Variants in RSRC1 observed in about 807,000 individuals in gnomAD.
The protein encoded by RSRC1 is serine/Arginine-related protein 53.
RSRC1 carries 39 observed loss-of-function variants against 49.1 expected under a neutral mutation model. The ratio of observed to expected loss-of-function variants is 0.79; its 90% CI spans 0.61 to 1.04. RSRC1 has a LOEUF of 1.04. Ranked by LOEUF, RSRC1 falls within the 50% of genes least tolerant of loss-of-function variation. The pLI is 0.00. For synonymous variants in RSRC1, 143 were observed against 130.8 expected (o/e 1.09, Z -0.63); for missense variants, 388 against 402.4 (o/e 0.96, Z 0.31).
intron 5 of RSRC1, among the ~76,000 whole-genome samples, chr3:158,324,775 A>T (rs1728980751): frequency 6.6e-6 from 1 of 152,206 alleles, no homozygotes; most frequent in Admixed American, 6.5e-5. Context: ...GTCAAATGGT[A>T]TTTCTAGTTC....
intron 7 of RSRC1, among the ~76,000 whole-genome samples, chr3:158,477,798 TTA>T (rs67839411): frequency 0.51 from 45,600 of 89,006 alleles, 10,602 homozygotes; most frequent in East Asian, 0.7. Flanking sequence ...CGGGAGGGAT[TTA>T]TATATATATA....
intron 4 of RSRC1, among the ~76,000 whole-genome samples, chr3:158,285,746 T>G (rs1726501217): frequency 6.6e-6 from 1 of 152,150 alleles, no homozygotes; most frequent in African/African-American, 2.4e-5. Flanking sequence ...TGATTTTGTA[T>G]CCTGAGACTT....
intron 3 of RSRC1, among the ~76,000 whole-genome samples, chr3:158,149,869 A>G (rs1246951415): frequency 2.6e-5 from 4 of 152,122 alleles, no homozygotes; most frequent in Admixed American, 1.3e-4. Context: ...AAAGCACTCA[A>G]CTGAGTGACA....
intron 6 of RSRC1, among the ~76,000 whole-genome samples, chr3:158,398,302 C>T (rs912541185): frequency 4.6e-5 from 7 of 152,054 alleles, no homozygotes. Context: ...ACGATATAGG[C>T]ACCAGTAGGT....
intron 1 of RSRC1, among the ~76,000 whole-genome samples, chr3:158,118,456 T>TGC (rs1332462881): frequency 2.3e-5 from 3 of 132,300 alleles, no homozygotes; most frequent in Non-Finnish European, 3.2e-5. Flanking sequence ...TGTGTGTGTG[T>TGC]GTGTGTGCGC....
chr3:158,477,798 T>TTTTTTATATATATATA (rs1485762587), intron 7 of RSRC1, among the ~76,000 whole-genome samples: 3 of 89,772 alleles, frequency 3.3e-5, no homozygotes, highest in Admixed American at 1.1e-4. Context: ...CGGGAGGGAT[T>TTTTTTATATATATATA]TATATATATA....
intron 7 of RSRC1, among the ~76,000 whole-genome samples, chr3:158,495,529 A>T (rs1004715921): frequency 2.0e-5 from 3 of 151,904 alleles, no homozygotes; most frequent in African/African-American, 7.3e-5. Context: ...CAAGTGATCC[A>T]CCCACCTCAG....
At chr3:158,350,876 T>G (rs1235854797) in intron 5 of RSRC1, among the ~76,000 whole-genome samples, 1 of 152,184 alleles carries the variant, frequency 6.6e-6, no homozygotes, top group Non-Finnish European at 1.5e-5. Flanking sequence ...AACTAAAGCA[T>G]TAGAAATTTT....
chr3:158,393,249 G>A (rs976493924), intron 6 of RSRC1, among the ~76,000 whole-genome samples: 8 of 151,828 alleles, frequency 5.3e-5, no homozygotes, highest in African/African-American at 1.9e-4. Context: ...AGCATCACAT[G>A]TAGAAGAATG....
chr3:158,543,893 A>G (rs1713182747), intron 9 of RSRC1, among the ~76,000 whole-genome samples: 1 of 152,178 alleles, frequency 6.6e-6, no homozygotes, highest in South Asian at 2.1e-4. Flanking sequence ...TCTTCCATGA[A>G]ATGTTGTAAT....
chr3:158,361,654 T>G (rs1731482619), intron 6 of RSRC1, among the ~76,000 whole-genome samples: 1 of 152,232 alleles, frequency 6.6e-6, no homozygotes, highest in African/African-American at 2.4e-5. Flanking sequence ...GTTTCTATGC[T>G]TAAGGTTCTA....
intron 7 of RSRC1, among the ~76,000 whole-genome samples, chr3:158,505,100 G>T (rs1053915633): frequency 3.3e-5 from 5 of 152,206 alleles, no homozygotes; most frequent in African/African-American, 1.2e-4. Context: ...CACAGTTGAT[G>T]CATTTGCAGG....
intron 7 of RSRC1, among the ~76,000 whole-genome samples, chr3:158,529,204 A>ATGTG (rs930396695): frequency 2.7e-4 from 36 of 133,678 alleles, no homozygotes; most frequent in African/African-American, 5.6e-4. Flanking sequence ...GTATATATGT[A>ATGTG]TGTGTGTGTG....
chr3:158,170,839 A>G (rs1407394337), intron 3 of RSRC1, among the ~76,000 whole-genome samples: 1 of 152,068 alleles, frequency 6.6e-6, no homozygotes, highest in Non-Finnish European at 1.5e-5. Flanking sequence ...CTTTGAAGGC[A>G]GCCCCAAATA....
intron 7 of RSRC1, among the ~76,000 whole-genome samples, chr3:158,477,798 T>TATATA (rs1738432613): frequency 5.6e-5 from 5 of 89,768 alleles, no homozygotes; most frequent in African/African-American, 2.3e-4. Context: ...CGGGAGGGAT[T>TATATA]TATATATATA....
At chr3:158,423,313 G>A (rs1368994692) in intron 6 of RSRC1, among the ~76,000 whole-genome samples, 6 of 152,132 alleles carry the variant, frequency 3.9e-5, no homozygotes, top group Admixed American at 1.3e-4. Flanking sequence ...AGTTTTCCCA[G>A]CACCATTTAT....
At chr3:158,159,844 G>A (rs1482436127) in intron 3 of RSRC1, among the ~76,000 whole-genome samples, 1 of 151,990 alleles carries the variant, frequency 6.6e-6, no homozygotes, top group African/African-American at 2.4e-5. Context: ...TCATTTTTCA[G>A]TCATGATTTT....
At chr3:158,537,559 G>C (rs1712784952) in intron 8 of RSRC1, among the ~76,000 whole-genome samples, 1 of 151,480 alleles carries the variant, frequency 6.6e-6, no homozygotes, top group Non-Finnish European at 1.5e-5. Context: ...CTAGAGAAAA[G>C]TTAGAAAAGG....
intron 4 of RSRC1, among the ~76,000 whole-genome samples, chr3:158,227,520 A>C (rs1722594522): frequency 1.3e-5 from 2 of 151,900 alleles, no homozygotes; most frequent in Non-Finnish European, 2.9e-5. Flanking sequence ...CTTATTGAGG[A>C]TCACATGATA....
Sources: allele counts gnomAD v4.1 joint callset (sites outside exome capture counted in the v4.1 genomes callset), GRCh38; gene constraint gnomAD v4.1.1; transcripts MANE v1.5; gene names NCBI Gene and HGNC (gene_info 2026-07-23, HGNC 2026-07-21).